Variants in TEC observed in about 807,000 individuals in gnomAD.
TEC encodes tyrosine-protein kinase Tec.
TEC carries 72 observed loss-of-function variants against 93.0 expected under a neutral mutation model. That is an observed-to-expected ratio of 0.77 (90% CI 0.64 to 0.94). The LOEUF (loss-of-function observed/expected upper bound fraction) is 0.94, where lower values mean the gene tolerates loss of function less well. Among genes scored for constraint, TEC ranks in the 40% least tolerant of loss-of-function variants. TEC has a pLI of 0.00. For synonymous variants in TEC, 249 were observed against 247.7 expected, an observed-to-expected ratio of 1.01 and a Z score of -0.05; for missense variants, 630 against 757.9, an observed-to-expected ratio of 0.83 and a Z score of 1.98.
At chr4:48,265,432 CACACATAT>C (rs1724608955) in intron 1 of TEC, among the ~76,000 whole-genome samples, 1 of 89,518 alleles carries the variant, frequency 1.1e-5, no homozygotes, top group African/African-American at 3.4e-5. Flanking sequence ...TATATACACA[CACACATAT>C]ATACGTATAT....
Position 48,149,640 on chromosome 4 carries a change from G to T in TEC, c.923C>A (p.Ser308Tyr), listed in dbSNP as rs1490545987. ...TTCAGCTAGGTAATACTTCTTTGGA[G>T]ATGTTGTTGTTTCCTTTATATGATA... is the stretch of plus-strand genomic sequence containing the variant. ...RHYHIKETTT[S>Y]PKKYYLAEKH... is the part of the protein sequence containing the mutation. The change falls in exon 11 of 18, where the codon TCT becomes TAT. Residue 308 changes from serine to tyrosine, a missense_variant. Transcript: ENST00000381501. 6.8e-6 allele frequency: 11 copies of T among 1,612,412 alleles called. No individual in the cohort carries two copies. Among genetic ancestry groups the T allele is most frequent in the Admixed American group, 1.7e-5 (1 of 59,694 alleles).
At chr4:48,248,822 C>T (rs569036038) in intron 1 of TEC, among the ~76,000 whole-genome samples, 9 of 151,640 alleles carry the variant, frequency 5.9e-5, no homozygotes, top group African/African-American at 2.2e-4. Flanking sequence ...ATAGGTTCAT[C>T]TGCACTCTTT....
chr4:48,204,527 T>C (rs1396365241), intron 2 of TEC, among the ~76,000 whole-genome samples: 1 of 152,230 alleles, frequency 6.6e-6, no homozygotes, highest in African/African-American at 2.4e-5. Flanking sequence ...CTGTAATAAA[T>C]GACAGTCATG....
At chr4:48,169,938 G>A (rs1440530699) in intron 5 of TEC, among the ~76,000 whole-genome samples, 8 of 152,116 alleles carry the variant, frequency 5.3e-5, no homozygotes, top group Non-Finnish European at 1.2e-4. Context: ...CCACATCTTG[G>A]TTTATTTGTT....
chr4:48,174,118 T>A (rs532999071), intron 3 of TEC, among the ~76,000 whole-genome samples: 33 of 152,350 alleles, frequency 2.2e-4, no homozygotes, highest in African/African-American at 7.9e-4. Flanking sequence ...CTCAAGCTTA[T>A]CCCTTCTTGA....
At chr4:48,225,894 T>A (rs947983595) in intron 2 of TEC, among the ~76,000 whole-genome samples, 6 of 152,018 alleles carry the variant, frequency 3.9e-5, no homozygotes, top group Admixed American at 2.0e-4. Flanking sequence ...AGGAATTAAG[T>A]AACAGGACTA....
At chr4:48,262,435 G>A (rs1724522904) in intron 1 of TEC, among the ~76,000 whole-genome samples, 1 of 151,912 alleles carries the variant, frequency 6.6e-6, no homozygotes, top group Non-Finnish European at 1.5e-5. Flanking sequence ...GACTTCAAGT[G>A]ATCCACCTGC....
intron 8 of TEC, among the ~76,000 whole-genome samples, chr4:48,161,867 C>T (rs1720679939): frequency 6.6e-6 from 1 of 152,114 alleles, no homozygotes; most frequent in South Asian, 2.1e-4. Context: ...GTTTAGTCTT[C>T]TGGCCTACAT....
chr4:48,267,521 T>C (rs772845563), intron 1 of TEC, among the ~76,000 whole-genome samples: 1 of 152,230 alleles, frequency 6.6e-6, no homozygotes, highest in Non-Finnish European at 1.5e-5. Context: ...AATTTTACAA[T>C]TGCCAGTGAC....
intron 1 of TEC, among the ~76,000 whole-genome samples, chr4:48,251,182 G>A (rs140769213): frequency 7.9e-5 from 12 of 152,076 alleles, no homozygotes; most frequent in African/African-American, 2.2e-4. Flanking sequence ...TTCTCTAACC[G>A]CATCTAGTAC....
intron 1 of TEC, among the ~76,000 whole-genome samples, chr4:48,237,358 T>A (rs562046719): frequency 4.3e-4 from 65 of 151,386 alleles, no homozygotes; most frequent in African/African-American, 1.5e-3. Context: ...TAATAATTTT[T>A]AAAAAAATAG....
chr4:48,218,229 G>A (rs779074753), intron 2 of TEC, among the ~76,000 whole-genome samples: 40 of 152,266 alleles, frequency 2.6e-4, no homozygotes, highest in Admixed American at 2.6e-4. Context: ...AAGAATATGA[G>A]TTTTCAAGGC....
At chr4:48,267,084 A>T (rs1383156861) in intron 1 of TEC, among the ~76,000 whole-genome samples, 2 of 152,230 alleles carry the variant, frequency 1.3e-5, no homozygotes, top group African/African-American at 4.8e-5. Context: ...AAGAATTACA[A>T]GTGGTTGTTT....
intron 1 of TEC, among the ~76,000 whole-genome samples, chr4:48,250,174 C>T (rs1416230412): frequency 6.6e-6 from 1 of 152,220 alleles, no homozygotes; most frequent in Admixed American, 6.5e-5. Flanking sequence ...CTAAATTTTG[C>T]TCTTCATCCA....
Position 48,145,268 on chromosome 4 carries a change from C to T in TEC, c.1281G>A (p.Gln427=). ...MMKLTHPKLV[Q]LYGVCTQQKP... ...TCTGCTGGGTGCACACACCATAAAG[C>T]TGCACTAACTTCGGGTGTGTCAGTT... is the stretch of plus-strand genomic sequence containing the variant. Residue 427 remains glutamine, a synonymous_variant, in exon 14 of 18, where the codon CAG becomes CAA. Transcript: ENST00000381501. 1 of 1,614,088 alleles carries T rather than the reference C, an allele frequency of 6.2e-7. No homozygotes were observed. The highest frequency in any genetic ancestry group is 8.5e-7 in the Non-Finnish European group (1 of 1,180,004).
At chr4:48,164,552 T>TACACAC (rs3062061) in intron 7 of TEC, among the ~76,000 whole-genome samples, 3,633 of 151,158 alleles carry the variant, frequency 0.024, 53 homozygotes, top group African/African-American at 0.033. Flanking sequence ...GAACTCATAA[T>TACACAC]ACACACACAC....
Position 48,190,316 on chromosome 4 carries a change from T to C in TEC, c.139-14130A>G, listed in dbSNP as rs189787218. 9.2e-5 allele frequency among the ~76,000 whole-genome samples: 14 copies of C among 152,322 alleles called. No homozygotes were observed. In the East Asian group the frequency reaches 2.7e-3, roughly 29 times the overall value. On this transcript the variant is annotated intron_variant, in intron 2 of 17. Transcript: ENST00000381501. Reference sequence around the variant, plus strand: ...AAGAAACAGAAGCCCACAGAGGCACTCTCTACAACAAATTTCAATTTATCA... The same window carrying C: ...AAGAAACAGAAGCCCACAGAGGCACCCTCTACAACAAATTTCAATTTATCA...
At chr4:48,187,907 G>A (rs185348393) in intron 2 of TEC, among the ~76,000 whole-genome samples, 3 of 152,286 alleles carry the variant, frequency 2.0e-5, no homozygotes, top group Admixed American at 2.0e-4. Flanking sequence ...TTCCCTTGGA[G>A]CAAGGACTAT....
rs137884397 is a variant in TEC at position 48,156,687 on chromosome 4, C to T, written c.785G>A (p.Arg262His). Residue 262 changes from arginine to histidine, a missense_variant, in exon 9 of 18, where the codon CGC becomes CAC. Around this residue, in one of 3 missense-constraint regions of TEC, gnomAD observed 335 missense variants for 351.5 expected, o/e 0.95. Transcript: ENST00000381501. ...ACAAGTACAAACACTTACTTCACTGCGGAGGAGTTGCTCTGCCTTGCTTCT... is the reference window on the plus strand; with the variant it reads ...ACAAGTACAAACACTTACTTCACTGTGGAGGAGTTGCTCTGCCTTGCTTCT... Reference protein sequence around the residue: ...MNRSKAEQLLRSEDKEGGFMV... With the variant: ...MNRSKAEQLLHSEDKEGGFMV... 67 of 1,611,276 alleles carry T rather than the reference C, an allele frequency of 4.2e-5. 1 individual carries two copies. The highest frequency in any genetic ancestry group is 1.7e-4 in the Middle Eastern group (1 of 6,046).
Sources: gnomAD v4.1 joint callset for allele counts (sites outside exome capture counted in the v4.1 genomes callset) on GRCh38, gnomAD v4.1.1 for gene constraint, gnomAD v4.1.1 regional missense constraint, MANE v1.5 for transcripts, NCBI Gene and HGNC (gene_info 2026-07-23, HGNC 2026-07-21) for gene names.